PRRC2B: variants seen among roughly 807,000 people sequenced by gnomAD.
The protein encoded by PRRC2B is protein PRRC2B.
Under a neutral mutation model 242.3 loss-of-function variants are expected in PRRC2B, and 68 were observed. That is an observed-to-expected ratio of 0.28 (90% CI 0.23 to 0.34). The LOEUF is 0.34. Ranked by LOEUF, PRRC2B falls within the 10% of genes least tolerant of loss-of-function variation. The pLI, the probability that PRRC2B is intolerant of heterozygous loss-of-function variation, is 1.00. For missense variants in PRRC2B, 2,835 were observed against 2,954.8 expected (o/e 0.96, Z 0.94); for synonymous variants, 1,228 against 1,173.6 (o/e 1.05, Z -0.95).
chr9:131,403,093 T>G (rs1413672261), intron 1 of PRRC2B, among the ~76,000 whole-genome samples: 1 of 152,110 alleles, frequency 6.6e-6, no homozygotes, highest in Non-Finnish European at 1.5e-5. Flanking sequence ...TCGGCAGGTG[T>G]TGTTTACATA....
chr9:131,388,993 G>A (rs1396485212), intron 1 of PRRC2B, among the ~76,000 whole-genome samples: 2 of 147,598 alleles, frequency 1.4e-5, no homozygotes, highest in Non-Finnish European at 3.0e-5. Flanking sequence ...AGTGCATGCC[G>A]CCACTCCTGG....
rs568674807 is a variant in PRRC2B, at chr9:131,494,915, T to A, written c.6555+429T>A. Among the ~76,000 whole-genome samples the A allele has an allele frequency of 6.6e-6, 1 of 152,298 alleles. No homozygotes were observed. The highest frequency in any genetic ancestry group is 2.1e-4 in the South Asian group (1 of 4,830). On this transcript the variant is annotated intron_variant, in intron 31 of 31. Transcript: ENST00000683519. This position sits in a 1 kb window ranked among gnomAD's most constrained non-coding sequence, Gnocchi z 4.3. ...GGTGAAATTAAGTTTTCCCATTTTA[T>A]AATGAAAAGGACATCGCAGTGTCTT...
At chr9:131,453,694 G>T (rs2131401680) in intron 9 of PRRC2B, among the ~76,000 whole-genome samples, 1 of 152,210 alleles carries the variant, frequency 6.6e-6, no homozygotes, top group African/African-American at 2.4e-5. Flanking sequence ...CCCATGGCTG[G>T]CTACTTTTCT....
chr9:131,439,991 C>A (rs1260163920), intron 5 of PRRC2B, among the ~76,000 whole-genome samples: 2 of 152,088 alleles, frequency 1.3e-5, no homozygotes, highest in East Asian at 3.8e-4. Flanking sequence ...AAGAGATCCT[C>A]CCACTTCAGC....
chr9:131,436,255 C>T (rs1838366569), intron 3 of PRRC2B, among the ~76,000 whole-genome samples: 1 of 152,140 alleles, frequency 6.6e-6, no homozygotes, highest in African/African-American at 2.4e-5. Context: ...GTCCCACCTA[C>T]TCAGAAGGCC....
At chr9:131,455,458 A>C (rs1239503913) in intron 10 of PRRC2B, among the ~76,000 whole-genome samples, 5 of 151,068 alleles carry the variant, frequency 3.3e-5, no homozygotes, top group Admixed American at 6.6e-5. Context: ...TGTCGTGCCC[A>C]AAAAGGCTGC....
In PRRC2B at chr9:131,475,251, T is replaced by A. The variant is rs768629381; in HGVS notation, c.3122T>A (p.Val1041Asp). 1.9e-6 allele frequency: 3 copies of A among 1,613,450 alleles called. No individual in the cohort carries two copies. The South Asian group carries it at 3.3e-5, about 18-fold the overall frequency. ...AGACCCCCACGAGAGTCCAGCGATGTTCCCCCCATGAAGAGAAATAACTGG... is the reference window on the plus strand; with the variant it reads ...AGACCCCCACGAGAGTCCAGCGATGATCCCCCCATGAAGAGAAATAACTGG... Reference protein sequence around the residue: ...EARPPRESSDVPPMKRNNWIF... With the variant: ...EARPPRESSDDPPMKRNNWIF... The change falls in exon 16 of 32, where the codon GTT (valine) becomes GAT (aspartate). Residue 1041 changes from valine to aspartate, a missense_variant. Val to Asp is a radical substitution (Grantham distance 152). Around this residue, in one of 7 missense-constraint regions of PRRC2B, gnomAD observed 1,536 missense variants for 1,483.1 expected, o/e 1.04. Transcript: ENST00000683519.
At position 131,459,222 on chromosome 9, in the gene PRRC2B, G is replaced by C; in HGVS notation, c.1270G>C (p.Asp424His). 1 of 1,614,014 alleles carries C rather than the reference G, an allele frequency of 6.2e-7. No homozygotes were observed. Among genetic ancestry groups the C allele is most frequent in the Non-Finnish European group, 8.5e-7 (1 of 1,179,896 alleles). ...GTCAATGAGCTCTGCAGACAGTGCG[G>C]ACGCTAAGCGGACTCGAGAGGAAGG... is the stretch of plus-strand genomic sequence containing the variant. ...QLSMSSADSA[D>H]AKRTREEGKD... The change falls in exon 11 of 32, where the codon GAC (aspartate) becomes CAC (histidine). Residue 424 changes from aspartate to histidine, a missense_variant. Around this residue, in one of 7 missense-constraint regions of PRRC2B, gnomAD observed 626 missense variants for 685.5 expected, o/e 0.91. Transcript: ENST00000683519.
At chr9:131,458,007 C>T (rs2994069) in intron 10 of PRRC2B, among the ~76,000 whole-genome samples, 148,898 of 152,190 alleles carry the variant, frequency 0.98, 72,933 homozygotes, top group East Asian at 1. Flanking sequence ...CGGGCCCTTG[C>T]AAATGCTTTG....
intron 16 of PRRC2B, among the ~76,000 whole-genome samples, chr9:131,476,871 C>T (rs1181546004): frequency 6.6e-6 from 1 of 152,176 alleles, no homozygotes. Flanking sequence ...AGGTGCCGGT[C>T]AGTCCACCAG....
At chr9:131,409,738 C>G (rs1588239845) in intron 1 of PRRC2B, among the ~76,000 whole-genome samples, 1 of 152,086 alleles carries the variant, frequency 6.6e-6, no homozygotes, top group African/African-American at 2.4e-5. Context: ...GGTATTGGGC[C>G]CCAGTGGTTA....
intron 1 of PRRC2B, among the ~76,000 whole-genome samples, chr9:131,419,633 G>C (rs1837744611): frequency 6.6e-6 from 1 of 151,998 alleles, no homozygotes; most frequent in Non-Finnish European, 1.5e-5. Flanking sequence ...CAAGTGCTGG[G>C]TCAAGTGCGG....
chr9:131,403,131 T>G (rs1837269229), intron 1 of PRRC2B, among the ~76,000 whole-genome samples: 1 of 152,156 alleles, frequency 6.6e-6, no homozygotes, highest in Non-Finnish European at 1.5e-5. Context: ...AACAGCTGTG[T>G]TCCAGGCCAG....
chr9:131,380,000 T>A (rs376626628), intron 1 of PRRC2B, among the ~76,000 whole-genome samples: 10,104 of 147,086 alleles, frequency 0.069, 388 homozygotes, highest in Middle Eastern at 0.13. Flanking sequence ...ATAATAATTT[T>A]TTTTTTTTTT....
chr9:131,489,002 G>T (rs1944106004), intron 28 of PRRC2B, among the ~76,000 whole-genome samples: 1 of 152,054 alleles, frequency 6.6e-6, no homozygotes, highest in African/African-American at 2.4e-5. Flanking sequence ...TGTCCATGCA[G>T]TTTGTGCCCT....
chr9:131,442,218 A>G (rs1285974232), intron 5 of PRRC2B, among the ~76,000 whole-genome samples: 1 of 151,256 alleles, frequency 6.6e-6, no homozygotes, highest in African/African-American at 2.4e-5. Context: ...CTATAGCTTC[A>G]GTCTTCTGGG....
At chr9:131,378,165 C>T (rs927232273) in intron 1 of PRRC2B, among the ~76,000 whole-genome samples, 2 of 151,906 alleles carry the variant, frequency 1.3e-5, no homozygotes, top group African/African-American at 4.8e-5. Context: ...AAAAATTAGC[C>T]AGGCGTGGTG....
chr9:131,391,326 G>A (rs1038326898), upstream of PRRC2B, among the ~76,000 whole-genome samples: 7 of 151,932 alleles, frequency 4.6e-5, no homozygotes, highest in African/African-American at 1.7e-4. Context: ...GAGGTCCTGC[G>A]TCATTCCTTT....
chr9:131,444,463 C>T (rs562471011), intron 6 of PRRC2B, 135 bp downstream of exon 6: 5 of 913,146 alleles, frequency 5.5e-6, no homozygotes, highest in African/African-American at 3.3e-5. Flanking sequence ...TGACTCGCCA[C>T]GTGATCTGTG....
Sources: gnomAD v4.1 joint callset for allele counts (sites outside exome capture counted in the v4.1 genomes callset) on GRCh38, gnomAD v4.1.1 for gene constraint, gnomAD v4.1.1 regional missense constraint, Gnocchi (gnomAD v3.1) non-coding constraint, MANE v1.5 for transcripts, NCBI Gene and HGNC (gene_info 2026-07-23, HGNC 2026-07-21) for gene names.